Variants in ATE1 observed in about 807,000 individuals in gnomAD.
ATE1 encodes arginyl-tRNA--protein transferase 1.
Under a neutral mutation model 70.5 loss-of-function variants are expected in ATE1, and 36 were observed. That is an observed-to-expected ratio of 0.51 (90% CI 0.39 to 0.67). The LOEUF (loss-of-function observed/expected upper bound fraction) is 0.67. Among genes scored for constraint, ATE1 ranks in the 30% least tolerant of loss-of-function variants. The probability of loss-of-function intolerance (pLI) is 0.00; values close to 1 mark genes in which losing one functional copy is unlikely to be tolerated. For synonymous variants in ATE1, 232 were observed against 219.3 expected (o/e 1.06, Z -0.51); for missense variants, 593 against 629.5 (o/e 0.94, Z 0.62).
At chr10:121,775,659 A>G (rs908861566) in intron 11 of ATE1, among the ~76,000 whole-genome samples, 1 of 152,238 alleles carries the variant, frequency 6.6e-6, no homozygotes, top group Non-Finnish European at 1.5e-5. Flanking sequence ...CAAGCCATGT[A>G]CAAAGTTGGC....
At chr10:121,760,746 T>C (rs1170132683) in intron 11 of ATE1, among the ~76,000 whole-genome samples, 1 of 152,264 alleles carries the variant, frequency 6.6e-6, no homozygotes, top group Non-Finnish European at 1.5e-5. Context: ...CTGAGAAGAC[T>C]GACTCCAATT....
intron 8 of ATE1, among the ~76,000 whole-genome samples, chr10:121,851,326 G>A (rs1176342180): frequency 6.6e-6 from 1 of 151,812 alleles, no homozygotes; most frequent in Non-Finnish European, 1.5e-5. Flanking sequence ...ATGCTGAGGT[G>A]GGAGGATCAC....
rs899102027 is a variant in ATE1 at position 121,766,361 on chromosome 10, T to C, written c.1379-22503A>G. 9.9e-5 allele frequency among the ~76,000 whole-genome samples: 15 copies of C among 152,088 alleles called. 1 individual carries two copies. Among genetic ancestry groups the C allele is most frequent in the Non-Finnish European group, 2.9e-5 (2 of 68,006 alleles). ...CAGGGGGCCTTCCACTCCAGGAAGA[T>C]GAGGGAGACCTACTTTTCCCTATCC... On this transcript the variant is annotated intron_variant, in intron 11 of 11. Coordinates refer to ENST00000224652, the MANE Select transcript of ATE1 (RefSeq NM_001001976.3).
intron 11 of ATE1, among the ~76,000 whole-genome samples, chr10:121,771,298 T>C (rs1166520795): frequency 6.6e-6 from 1 of 152,168 alleles, no homozygotes; most frequent in Non-Finnish European, 1.5e-5. Context: ...CTTGAACTCC[T>C]GACCTCGTGA....
chr10:121,853,594 G>T (rs910506952), intron 8 of ATE1, among the ~76,000 whole-genome samples: 2 of 151,844 alleles, frequency 1.3e-5, no homozygotes, highest in South Asian at 4.1e-4. Context: ...TTGCTTCCAG[G>T]CATTTCAGAT....
chr10:121,820,950 CCTTT>C (rs1947769522), intron 10 of ATE1, among the ~76,000 whole-genome samples: 3 of 152,218 alleles, frequency 2.0e-5, no homozygotes, highest in African/African-American at 7.2e-5. Flanking sequence ...AAAACATTTC[CCTTT>C]TTTTTGAGAT....
chr10:121,895,010 C>T (rs1347923083), intron 7 of ATE1, among the ~76,000 whole-genome samples: 3 of 152,120 alleles, frequency 2.0e-5, no homozygotes, highest in Non-Finnish European at 4.4e-5. Flanking sequence ...CAAATCAAAA[C>T]CATAATGAGA....
At chr10:121,768,619 C>G (rs1590245461) in intron 11 of ATE1, among the ~76,000 whole-genome samples, 1 of 152,110 alleles carries the variant, frequency 6.6e-6, no homozygotes, top group African/African-American at 2.4e-5. Flanking sequence ...ACTCTAAGAC[C>G]AGTTTTACCT....
intron 7 of ATE1, among the ~76,000 whole-genome samples, chr10:121,899,643 A>G (rs745592759): frequency 3.9e-5 from 6 of 152,214 alleles, no homozygotes; most frequent in Admixed American, 6.5e-5. Flanking sequence ...ATAATTTTAC[A>G]TGTTACTTTG....
chr10:121,797,589 T>TA (rs35428247), intron 10 of ATE1, among the ~76,000 whole-genome samples: 5 of 145,352 alleles, frequency 3.4e-5, no homozygotes, highest in African/African-American at 1.0e-4. Flanking sequence ...TGAGTGGGAG[T>TA]AAAAAAAAAA....
intron 8 of ATE1, among the ~76,000 whole-genome samples, chr10:121,845,875 C>A (rs1472506138): frequency 3.9e-5 from 6 of 152,102 alleles, no homozygotes; most frequent in African/African-American, 1.4e-4. Context: ...TATAAATGTG[C>A]ATAGATTATA....
intron 10 of ATE1, among the ~76,000 whole-genome samples, chr10:121,824,223 C>T (rs1206466080): frequency 6.6e-6 from 1 of 152,152 alleles, no homozygotes; most frequent in Non-Finnish European, 1.5e-5. Flanking sequence ...CATGCTGAAT[C>T]AAAAGAATCC....
chr10:121,885,414 CA>C (rs1950358150), intron 7 of ATE1, among the ~76,000 whole-genome samples: 1 of 150,212 alleles, frequency 6.7e-6, no homozygotes, highest in African/African-American at 2.5e-5. Flanking sequence ...CTAAAAAACA[CA>C]AAAAATTAGC....
Position 121,902,301 on chromosome 10 carries a change from C to T in ATE1, c.813+90G>A, listed in dbSNP as rs541840551. On this transcript the variant is annotated intron_variant, in intron 6 of 11. Coordinates refer to ENST00000224652, the MANE Select transcript of ATE1 (RefSeq NM_001001976.3). ...TTCTCATTATTTAACTAGCAAACAT[C>T]AACTAATTAGAACTTCAAATAAAAA... 5.9e-5 allele frequency: 67 copies of T among 1,130,464 alleles called. No individual in the cohort carries two copies. In the South Asian group the frequency reaches 9.6e-4, roughly 16 times the overall value. The allele number at this position is 1,130,464 out of a possible 1,614,324, so 70.0% of individuals were successfully genotyped here. A position where few individuals can be genotyped will look rare whatever the true frequency, so the allele number is the denominator to read the frequency against.
In ATE1 at chr10:121,800,259, A is replaced by C. The variant is rs183030029; in HGVS notation, c.1258-9970T>G. ...TGAGACTTTGTTATTTTTCTCAGACAAAAAAAATCAGAAAAGAAATACTTT... is the reference window on the plus strand; with the variant it reads ...TGAGACTTTGTTATTTTTCTCAGACCAAAAAAATCAGAAAAGAAATACTTT... On this transcript the variant is annotated intron_variant, in intron 10 of 11. Transcript: ENST00000224652. Among the ~76,000 whole-genome samples, 1,110 of 152,150 alleles carry C rather than the reference A, an allele frequency of 7.3e-3. 2 individuals are homozygous for C. Among genetic ancestry groups the C allele is most frequent in the South Asian group, 0.016 (76 of 4,820 alleles).
chr10:121,887,250 G>A (rs768371005), intron 7 of ATE1, among the ~76,000 whole-genome samples: 1 of 152,146 alleles, frequency 6.6e-6, no homozygotes, highest in Non-Finnish European at 1.5e-5. Flanking sequence ...GTCTCCATGG[G>A]GTCAGAATGG....
intron 10 of ATE1, among the ~76,000 whole-genome samples, chr10:121,797,549 A>G (rs1196865613): frequency 1.3e-5 from 2 of 150,936 alleles, no homozygotes; most frequent in Admixed American, 1.3e-4. Flanking sequence ...TTAAAAATAG[A>G]ATATTTCCTC....
At chr10:121,790,942 A>ATG (rs1946406254) in intron 10 of ATE1, among the ~76,000 whole-genome samples, 2 of 21,520 alleles carry the variant, frequency 9.3e-5, no homozygotes, top group Admixed American at 7.4e-4. Flanking sequence ...TTATGTGTAC[A>ATG]TATATATGTG....
At chr10:121,861,726 G>T (rs941959887) in intron 8 of ATE1, among the ~76,000 whole-genome samples, 3 of 139,204 alleles carry the variant, frequency 2.2e-5, no homozygotes, top group African/African-American at 8.3e-5. Context: ...TTGTGCACAT[G>T]TACCCTAAAA....
Sources: gnomAD v4.1 joint callset for allele counts (sites outside exome capture counted in the v4.1 genomes callset) on GRCh38, gnomAD v4.1.1 for gene constraint, MANE v1.5 for transcripts, NCBI Gene and HGNC (gene_info 2026-07-23, HGNC 2026-07-21) for gene names.